The following TMPPE variants were observed in gnomAD, a reference collection of about 807,000 sequenced individuals.
TMPPE encodes transmembrane protein with metallophosphoesterase domain.
TMPPE carries 16 observed loss-of-function variants against 22.6 expected under a neutral mutation model. That is an observed-to-expected ratio of 0.71 (90% confidence interval 0.48 to 1.08). The LOEUF (loss-of-function observed/expected upper bound fraction) is 1.08, where lower values mean the gene tolerates loss of function less well. Ranked by LOEUF, TMPPE falls within the 50% of genes least tolerant of loss-of-function variation. The pLI is 0.00. For missense variants in TMPPE, 526 were observed against 584.3 expected (o/e 0.90, Z 1.03); for synonymous variants, 240 against 245.3 (o/e 0.98, Z 0.20).
Position 33,094,002 on chromosome 3 carries a change from C to A in TMPPE, c.194G>T (p.Arg65Leu), listed in dbSNP as rs371231261. 1.2e-6 allele frequency: 2 copies of A among 1,614,032 alleles called. No homozygotes were observed. The highest frequency in any genetic ancestry group is 1.3e-5 in the African/African-American group (1 of 74,934). ...LLLIGSLYIW[R>L]STVSNLCHSP... ...GTGGCAGAGGTTGCTCACTGTGCTGCGCCAAATGTAGAGGGAGCCAATGAG... is the reference window on the plus strand; with the variant it reads ...GTGGCAGAGGTTGCTCACTGTGCTGAGCCAAATGTAGAGGGAGCCAATGAG... The change falls in exon 2 of 2, where the codon CGC (arginine) becomes CTC (leucine). Residue 65 changes from arginine to leucine, a missense_variant. Transcript: ENST00000342462.
rs987329316 is a variant in TMPPE, at chr3:33,092,497, T to C, written c.*337A>G. The C allele has an allele frequency of 2.5e-5, 27 of 1,072,216 alleles. No individual in the cohort carries two copies. Among genetic ancestry groups the C allele is most frequent in the Non-Finnish European group, 2.9e-5 (26 of 884,400 alleles). The allele number at this position is 1,072,216 out of a possible 1,614,324, so 66.4% of individuals were successfully genotyped here. On this transcript the variant is annotated 3_prime_UTR_variant, in exon 2 of 2. Coordinates refer to ENST00000342462, the MANE Select transcript of TMPPE (RefSeq NM_001039770.3). ...CGCCCCACCTTCTAGAGGTATGCCT[T>C]TCTAGCAACCCCGAGGGGAGGTTCA...
intron 1 of TMPPE, among the ~76,000 whole-genome samples, chr3:33,095,359 T>C (rs1559424986): frequency 6.8e-6 from 1 of 147,024 alleles, no homozygotes; most frequent in African/African-American, 2.5e-5. Flanking sequence ...CTACTAAAAA[T>C]ACAAAAAAAG....
Position 33,096,650 on chromosome 3 carries a change from G to C in TMPPE, c.-109+69C>G. The stretch of plus-strand genomic sequence containing the variant: ...GAGGGCGCCCCAAACCAGAGCCGGA[G>C]GCACCCTCTAACCCGCGCAACTTGG... On this transcript the variant is annotated intron_variant, in intron 1 of 1. Coordinates refer to ENST00000342462, the MANE Select transcript of TMPPE (RefSeq NM_001039770.3). 4 of 1,099,664 alleles carry C rather than the reference G, an allele frequency of 3.6e-6. No homozygotes were observed. In the South Asian group the frequency reaches 8.9e-5, roughly 24 times the overall value. The allele number at this position is 1,099,664 out of a possible 1,614,324, so 68.1% of individuals were successfully genotyped here. A position where few individuals can be genotyped will look rare whatever the true frequency, so the allele number is the denominator to read the frequency against.
chr3:33,093,433 G>C lies in TMPPE; in HGVS notation c.763C>G (p.Leu255Val). 1 of 1,614,168 alleles carries C rather than the reference G, an allele frequency of 6.2e-7. No individual in the cohort carries two copies. The highest frequency in any genetic ancestry group is 8.5e-7 in the Non-Finnish European group (1 of 1,180,032). The change falls in exon 2 of 2, where the codon CTG becomes GTG. Residue 255 changes from leucine to valine, a missense_variant. Transcript: ENST00000342462. This position sits in a 1 kb window ranked among gnomAD's most constrained non-coding sequence, Gnocchi z 6.0. ...CCCAGAGGAGCGACAGCCGTCCGCA[G>C]GACCGAGGCTTCTGAGTCGGAGAGG... ...GDLSDSEASV[L>V]RTAVAPLGQL...
At position 33,091,059 on chromosome 3, in the gene TMPPE, G is replaced by C; in HGVS notation, c.*1775C>G. 2.0e-6 allele frequency: 2 copies of C among 985,290 alleles called. No individual in the cohort carries two copies. Among genetic ancestry groups the C allele is most frequent in the Non-Finnish European group, 2.4e-6 (2 of 829,928 alleles). The allele number at this position is 985,290 out of a possible 1,614,324, so 61.0% of individuals were successfully genotyped here. ...AACATTACCAGCCGCATCAAACAGT[G>C]GAAGTGAAATGGCACCATCTAGCCC... On this transcript the variant is annotated 3_prime_UTR_variant, in exon 2 of 2. Coordinates refer to ENST00000342462, the MANE Select transcript of TMPPE (RefSeq NM_001039770.3).
chr3:33,094,086 A>C lies in TMPPE; in HGVS notation c.110T>G (p.Leu37Arg). The part of the protein sequence containing the change: ...SRSYLAESLE[L>R]RAWRWLLRLQ... ...GCGAAGCAGCCAACGCCAGGCCCTG[A>C]GCTCAAGGCTCTCTGCCAGATACGA... Residue 37 changes from leucine (L) to arginine (R), a missense_variant, in exon 2 of 2, where the codon CTC becomes CGC. Transcript: ENST00000342462. The C allele has an allele frequency of 6.2e-7, 1 of 1,614,256 alleles. No individual in the cohort carries two copies. Among genetic ancestry groups the C allele is most frequent in the Non-Finnish European group, 8.5e-7 (1 of 1,180,052 alleles).
Position 33,093,797 on chromosome 3 carries a change from G to A in TMPPE, c.399C>T (p.Phe133=). The A allele has an allele frequency of 6.2e-7, 1 of 1,613,410 alleles. No homozygotes were observed. Among genetic ancestry groups the A allele is most frequent in the Non-Finnish European group, 8.5e-7 (1 of 1,179,658 alleles). The part of the protein sequence containing the change: ...GAYIIMLFFL[F]ILSGMEQAYQ... ...AGGCCTGCTCCATGCCGCTGAGGAT[G>A]AAGAGGAAGAAGAGCATGATGATGT... is the stretch of plus-strand genomic sequence containing the variant. Residue 133 remains phenylalanine, a synonymous_variant, in exon 2 of 2, where the codon TTC becomes TTT. Coordinates refer to ENST00000342462, the MANE Select transcript of TMPPE (RefSeq NM_001039770.3). The surrounding 1 kb of genome is among the most constrained non-coding windows in gnomAD (Gnocchi z 6.0).
intron 1 of TMPPE, among the ~76,000 whole-genome samples, chr3:33,094,655 C>A (rs1486117265): frequency 7.2e-6 from 1 of 137,992 alleles, no homozygotes; most frequent in African/African-American, 2.7e-5. Flanking sequence ...CAAGCCATTA[C>A]TGCCTTTTCC....
chr3:33,094,215 C>T lies in TMPPE; in HGVS notation c.-20G>A, dbSNP rs982542214. On this transcript the variant is annotated 5_prime_UTR_variant, in exon 2 of 2. Coordinates refer to ENST00000342462, the MANE Select transcript of TMPPE (RefSeq NM_001039770.3). ...GGCCATTTTCTCTGCTCCTAGTAGG[C>T]TCCCCCACCAGTTCTGTGCTGGTGG... 23 of 1,576,822 alleles carry T rather than the reference C, an allele frequency of 1.5e-5. No homozygotes were observed. The highest frequency in any genetic ancestry group is 4.0e-5 in the African/African-American group (3 of 74,160).
chr3:33,095,290 G>A lies in TMPPE; in HGVS notation c.-108-987C>T, dbSNP rs143300312. 9.7e-3 allele frequency among the ~76,000 whole-genome samples: 1,451 copies of A among 149,792 alleles called. 18 individuals carry two copies. The highest frequency in any genetic ancestry group is 0.03 in the African/African-American group (1,224 of 40,658). On this transcript the variant is annotated intron_variant, in intron 1 of 1. Coordinates refer to ENST00000342462, the MANE Select transcript of TMPPE (RefSeq NM_001039770.3). ...AAAATTTAGTTAAAATTTGAGAACC[G>A]CTGGGTCACGAGGTCAGGAGATCGA...
rs1415647304 is a variant in TMPPE at position 33,091,715 on chromosome 3, A to G, written c.*1119T>C. The stretch of plus-strand genomic sequence containing the variant: ...AAAGTCACCCACCCAACGCTGCCCT[A>G]TGAGTGAGCAGCAGGGTTAGCCTCT... On this transcript the variant is annotated 3_prime_UTR_variant, in exon 2 of 2. Transcript: ENST00000342462. The G allele has an allele frequency of 3.3e-5, 33 of 985,216 alleles. No individual in the cohort carries two copies. The highest frequency in any genetic ancestry group is 4.7e-5 in the South Asian group (1 of 21,278). The allele number at this position is 985,216 out of a possible 1,614,324, so 61.0% of individuals were successfully genotyped here. A position where few individuals can be genotyped will look rare whatever the true frequency, so the allele number is the denominator to read the frequency against.
Position 33,097,100 on chromosome 3 carries a change from C to G in TMPPE, c.-490G>C. Reference sequence around the variant, plus strand: ...AACCCCGGCATGACCACCAGCCTCCCGGCTCTGCAGTCGGCGCCCAGGCCG... The same window carrying G: ...AACCCCGGCATGACCACCAGCCTCCGGGCTCTGCAGTCGGCGCCCAGGCCG... On this transcript the variant is annotated 5_prime_UTR_variant, in exon 1 of 2. Coordinates refer to ENST00000342462, the MANE Select transcript of TMPPE (RefSeq NM_001039770.3). 1.2e-6 allele frequency: 2 copies of G among 1,611,776 alleles called. No homozygotes were observed. Among genetic ancestry groups the G allele is most frequent in the Non-Finnish European group, 8.5e-7 (1 of 1,178,794 alleles).
rs1700893757 is a variant in TMPPE at position 33,094,046 on chromosome 3, C to G, written c.150G>C (p.Leu50=). ...CAATGAGCAAGAGCGAGTTGACAAACAGGGCAAGCTGCAAGCGAAGCAGCC... is the reference window on the plus strand; with the variant it reads ...CAATGAGCAAGAGCGAGTTGACAAAGAGGGCAAGCTGCAAGCGAAGCAGCC... ...WRWLLRLQLA[L]FVNSLLLIGS... is the part of the protein sequence containing the mutation. Residue 50 remains leucine, a synonymous_variant, in exon 2 of 2, where the codon CTG becomes CTC. Transcript: ENST00000342462. 1.2e-6 allele frequency: 2 copies of G among 1,614,260 alleles called. No individual in the cohort carries two copies. The highest frequency in any genetic ancestry group is 4.5e-5 in the East Asian group (2 of 44,894).
In TMPPE at chr3:33,090,561, T is replaced by C. The variant is rs1050800079; in HGVS notation, c.*2273A>G. On this transcript the variant is annotated 3_prime_UTR_variant, in exon 2 of 2. Transcript: ENST00000342462. ...TTAAAAATAAAGAAACAAATGAAATTGAAAGAATGATCAAGCTTCAAGTAA... is the reference window on the plus strand; with the variant it reads ...TTAAAAATAAAGAAACAAATGAAATCGAAAGAATGATCAAGCTTCAAGTAA... 1 of 985,348 alleles carries C rather than the reference T, an allele frequency of 1.0e-6. No homozygotes were observed. Among genetic ancestry groups the C allele is most frequent in the Non-Finnish European group, 1.2e-6 (1 of 829,912 alleles). 61.0% of individuals were successfully genotyped at this position (985,348 alleles called of 1,614,324 possible).
chr3:33,096,817 C>G lies in TMPPE; in HGVS notation c.-207G>C. On this transcript the variant is annotated 5_prime_UTR_variant, in exon 1 of 2. Coordinates refer to ENST00000342462, the MANE Select transcript of TMPPE (RefSeq NM_001039770.3). The stretch of plus-strand genomic sequence containing the variant: ...CGACCGAGCTGCCTGGAAGGACGCG[C>G]GCCCCGCCCGGCCCGCCCCCGACGG... The G allele has an allele frequency of 7.3e-7, 1 of 1,363,928 alleles. No homozygotes were observed. Among genetic ancestry groups the G allele is most frequent in the East Asian group, 3.1e-5 (1 of 32,246 alleles). 84.5% of individuals were successfully genotyped at this position (1,363,928 alleles called of 1,614,324 possible). A position where few individuals can be genotyped will look rare whatever the true frequency, so the allele number is the denominator to read the frequency against.
Position 33,092,813 on chromosome 3 carries a change from G to A in TMPPE, c.*21C>T. On this transcript the variant is annotated 3_prime_UTR_variant, in exon 2 of 2. Transcript: ENST00000342462. ...GGGTCGAGGACAAGGGCAGGGCAGA[G>A]GTGCACAGGGCAGGGCCAGTTCAGG... 6.4e-7 allele frequency: 1 copy of A among 1,570,494 alleles called. No individual in the cohort carries two copies. Among genetic ancestry groups the A allele is most frequent in the Non-Finnish European group, 8.6e-7 (1 of 1,156,204 alleles).
chr3:33,094,574 G>A (rs1315172769), intron 1 of TMPPE, among the ~76,000 whole-genome samples: 2 of 152,130 alleles, frequency 1.3e-5, no homozygotes, highest in Non-Finnish European at 2.9e-5. Flanking sequence ...CCAAATCAGC[G>A]GTATTCAAAG....
rs1374020199 is a variant in TMPPE at position 33,091,482 on chromosome 3, G to T, written c.*1352C>A. The T allele has an allele frequency of 1.0e-6, 1 of 985,504 alleles. No homozygotes were observed. The highest frequency in any genetic ancestry group is 1.2e-6 in the Non-Finnish European group (1 of 829,980). The allele number at this position is 985,504 out of a possible 1,614,324, so 61.0% of individuals were successfully genotyped here. A position where few individuals can be genotyped will look rare whatever the true frequency, so the allele number is the denominator to read the frequency against. On this transcript the variant is annotated 3_prime_UTR_variant, in exon 2 of 2. Transcript: ENST00000342462. ...CATTCCCCAGGACTGGCTGCTCCATGAATCCTCTGGGCACCTGTGCCCAAC... is the reference window on the plus strand; with the variant it reads ...CATTCCCCAGGACTGGCTGCTCCATTAATCCTCTGGGCACCTGTGCCCAAC...
Position 33,093,983 on chromosome 3 carries a change from G to A in TMPPE, c.213C>T (p.Leu71=), listed in dbSNP as rs1700889277. 1 of 1,614,218 alleles carries A rather than the reference G, an allele frequency of 6.2e-7. No homozygotes were observed. Among genetic ancestry groups the A allele is most frequent in the South Asian group, 1.1e-5 (1 of 91,082 alleles). The change falls in exon 2 of 2, where the codon CTC becomes CTT. Residue 71 remains leucine, a synonymous_variant. Coordinates refer to ENST00000342462, the MANE Select transcript of TMPPE (RefSeq NM_001039770.3). This position sits in a 1 kb window ranked among gnomAD's most constrained non-coding sequence, Gnocchi z 6.0. ...TTGACTCTGCAGCTGGGGAGTGGCA[G>A]AGGTTGCTCACTGTGCTGCGCCAAA... ...LYIWRSTVSN[L]CHSPAAESTC...
Sources: allele counts gnomAD v4.1 joint callset (sites outside exome capture counted in the v4.1 genomes callset), GRCh38; gene constraint gnomAD v4.1.1; non-coding constraint Gnocchi (gnomAD v3.1); transcripts MANE v1.5; gene names NCBI Gene and HGNC (gene_info 2026-07-23, HGNC 2026-07-21).